Variants in ADARB2 observed in about 807,000 individuals in gnomAD.
ADARB2 encodes the protein adenosine deaminase RNA specific B2 (inactive).
A neutral mutation model predicts 62.2 loss-of-function variants in ADARB2; 25 were observed. That is an observed-to-expected ratio of 0.40 (90% CI 0.29 to 0.56). ADARB2 has a LOEUF of 0.56. ADARB2 is among the 20% of genes least tolerant of loss of function. ADARB2 has a pLI of 0.43. For missense variants in ADARB2, 1,071 were observed against 1,077.4 expected (o/e 0.99, Z 0.08); for synonymous variants, 572 against 500.8 (o/e 1.14, Z -1.90).
intron 1 of ADARB2, among the ~76,000 whole-genome samples, chr10:1,500,165 G>C (rs777301521): frequency 6.6e-6 from 1 of 152,224 alleles, no homozygotes; most frequent in Non-Finnish European, 1.5e-5. Context: ...CTTCTGAGCA[G>C]TGCCTCCCAC....
At chr10:1,221,785 A>G (rs1242161136) in intron 6 of ADARB2, among the ~76,000 whole-genome samples, 1 of 152,140 alleles carries the variant, frequency 6.6e-6, no homozygotes, top group Non-Finnish European at 1.5e-5. Flanking sequence ...TCCATGGTGT[A>G]TATGTGCCAC....
chr10:1,231,493 G>A (rs944187844), intron 6 of ADARB2, among the ~76,000 whole-genome samples: 1 of 152,112 alleles, frequency 6.6e-6, no homozygotes, highest in African/African-American at 2.4e-5. Context: ...GCCTGGTAGT[G>A]GGGGGTGCCC....
intron 1 of ADARB2, among the ~76,000 whole-genome samples, chr10:1,731,602 G>A (rs898405564): frequency 3.3e-5 from 5 of 152,160 alleles, no homozygotes; most frequent in African/African-American, 1.2e-4. Context: ...ATAAACAATC[G>A]CCTTTGAAAA....
chr10:1,423,348 G>T (rs895115644), intron 1 of ADARB2, among the ~76,000 whole-genome samples: 4 of 152,190 alleles, frequency 2.6e-5, no homozygotes, highest in African/African-American at 9.7e-5. Flanking sequence ...TGTTCTCACT[G>T]AGGGATTCTG....
At position 1,532,767 on chromosome 10, in the gene ADARB2, C is replaced by T. The variant is rs112668622; in HGVS notation, c.101-153607G>A. On this transcript the variant is annotated intron_variant, in intron 1 of 9. Transcript: ENST00000381312. Reference sequence around the variant, plus strand: ...GGGACTCTTCTCCCAGTGGGTCAATCGCACCTTCACTCTGGGCAGGTGAGG... The same window carrying T: ...GGGACTCTTCTCCCAGTGGGTCAATTGCACCTTCACTCTGGGCAGGTGAGG... 6.0e-3 allele frequency among the ~76,000 whole-genome samples: 907 copies of T among 152,290 alleles called. 6 individuals carry two copies. The highest frequency in any genetic ancestry group is 0.016 in the African/African-American group (685 of 41,564).
intron 1 of ADARB2, among the ~76,000 whole-genome samples, chr10:1,488,221 C>A (rs1219811775): frequency 5.8e-4 from 75 of 130,316 alleles, no homozygotes; most frequent in Admixed American, 2.2e-3. Flanking sequence ...TCAGATTTGG[C>A]AAAGAAAAAA....
At chr10:1,580,611 C>T (rs1024880830) in intron 1 of ADARB2, among the ~76,000 whole-genome samples, 3 of 151,992 alleles carry the variant, frequency 2.0e-5, no homozygotes, top group East Asian at 1.9e-4. Context: ...ACAACCACCC[C>T]GTTATCAAGT....
At chr10:1,507,048 T>A (rs61831919) in intron 1 of ADARB2, among the ~76,000 whole-genome samples, 1 of 152,146 alleles carries the variant, frequency 6.6e-6, no homozygotes, top group Non-Finnish European at 1.5e-5. Context: ...GTCCACTGCC[T>A]AAGCCACCCA....
At chr10:1,658,670 A>C (rs1247086574) in intron 1 of ADARB2, among the ~76,000 whole-genome samples, 1 of 152,210 alleles carries the variant, frequency 6.6e-6, no homozygotes, top group African/African-American at 2.4e-5. Flanking sequence ...TGGTGTCTGC[A>C]TCAGGAGGTC....
Position 1,587,709 on chromosome 10 carries a change from T to C in ADARB2, c.100+149342A>G, listed in dbSNP as rs146940047. Reference sequence around the variant, plus strand: ...AAACAATTGATATGGTTTGTTGTGTTCCCACCCAAATCTCATCTTGAATTG... The same window carrying C: ...AAACAATTGATATGGTTTGTTGTGTCCCCACCCAAATCTCATCTTGAATTG... On this transcript the variant is annotated intron_variant, in intron 1 of 9. Transcript: ENST00000381312. Among the ~76,000 whole-genome samples the C allele has an allele frequency of 5.3e-3, 803 of 152,310 alleles. 9 individuals carry two copies. Among genetic ancestry groups the C allele is most frequent in the African/African-American group, 0.018 (762 of 41,558 alleles).
chr10:1,585,543 T>G (rs1408000538), intron 1 of ADARB2, among the ~76,000 whole-genome samples: 1 of 152,024 alleles, frequency 6.6e-6, no homozygotes, highest in East Asian at 1.9e-4. Flanking sequence ...CAATGCAGAG[T>G]CACTGAGCCA....
chr10:1,333,266 G>A (rs952660), intron 3 of ADARB2, among the ~76,000 whole-genome samples: 1 of 152,324 alleles, frequency 6.6e-6, no homozygotes, highest in East Asian at 1.9e-4. Flanking sequence ...TAGGCACCTA[G>A]TGATGCTTTG....
chr10:1,705,950 G>GT (rs1834885177), intron 1 of ADARB2, among the ~76,000 whole-genome samples: 1 of 152,128 alleles, frequency 6.6e-6, no homozygotes, highest in Admixed American at 6.5e-5. Flanking sequence ...AATTACAGTG[G>GT]TTTAATGCCT....
intron 3 of ADARB2, among the ~76,000 whole-genome samples, chr10:1,272,906 G>A (rs757523406): frequency 6.6e-6 from 1 of 152,220 alleles, no homozygotes; most frequent in Non-Finnish European, 1.5e-5. Flanking sequence ...GTCCAGGGGC[G>A]GTGCTGCCTC....
chr10:1,353,016 A>G (rs981306457), intron 3 of ADARB2, among the ~76,000 whole-genome samples: 15 of 152,220 alleles, frequency 9.9e-5, no homozygotes, highest in Admixed American at 8.5e-4. Context: ...AGAACCTCTC[A>G]TTTCCTTTCC....
At chr10:1,572,932 G>A (rs1588307517) in intron 1 of ADARB2, among the ~76,000 whole-genome samples, 1 of 152,258 alleles carries the variant, frequency 6.6e-6, no homozygotes, top group Non-Finnish European at 1.5e-5. Context: ...ACTGTAGGCA[G>A]GTCTTTTCCT....
At chr10:1,719,619 G>A (rs1835063576) in intron 1 of ADARB2, among the ~76,000 whole-genome samples, 1 of 152,116 alleles carries the variant, frequency 6.6e-6, no homozygotes, top group Non-Finnish European at 1.5e-5. Context: ...ACAACCTACG[G>A]ATTGGGAGAA....
chr10:1,241,102 T>C (rs947740469), intron 5 of ADARB2, among the ~76,000 whole-genome samples: 4 of 152,066 alleles, frequency 2.6e-5, no homozygotes, highest in Admixed American at 6.5e-5. Flanking sequence ...CTACTAAAAA[T>C]ACAAAAATTA....
chr10:1,454,545 G>A (rs1467100498), intron 1 of ADARB2, among the ~76,000 whole-genome samples: 2 of 152,156 alleles, frequency 1.3e-5, no homozygotes, highest in African/African-American at 4.8e-5. Flanking sequence ...ATGAACCCTA[G>A]GGACCATCTA....
Sources: gnomAD v4.1 joint callset for allele counts (sites outside exome capture counted in the v4.1 genomes callset) on GRCh38, gnomAD v4.1.1 for gene constraint, MANE v1.5 for transcripts, NCBI Gene and HGNC (gene_info 2026-07-23, HGNC 2026-07-21) for gene names.